Variants in ACO1 observed in about 807,000 individuals in gnomAD.
The protein encoded by ACO1 is cytoplasmic aconitate hydratase.
In ACO1, 78 loss-of-function variants were observed where a neutral mutation model predicts 105.1. The observed-to-expected ratio is 0.74, with a 90% CI of 0.62 to 0.90. ACO1 has a LOEUF of 0.90. Ranked by LOEUF, ACO1 falls within the 40% of genes least tolerant of loss-of-function variation. The pLI is 0.00. For missense variants in ACO1, 965 were observed against 1,111.1 expected (o/e 0.87, Z 1.87); for synonymous variants, 364 against 397.4 (o/e 0.92, Z 1.00).
chr9:32,441,439 T>TA (rs538094847), intron 19 of ACO1, among the ~76,000 whole-genome samples: 6 of 152,244 alleles, frequency 3.9e-5, no homozygotes, highest in Middle Eastern at 3.4e-3. Flanking sequence ...ACAAGTACAG[T>TA]AAAAAAATGT....
chr9:32,384,775 A>C (rs1249954679), intron 1 of ACO1, 40 bp downstream of exon 1: 4 of 359,164 alleles, frequency 1.1e-5, no homozygotes, highest in Non-Finnish European at 2.3e-5. Flanking sequence ...CCCAGGCGGG[A>C]GCGCCGTCCA....
Position 32,427,401 on chromosome 9 carries a change from A to G in ACO1, c.1449A>G (p.Gln483=). The G allele has an allele frequency of 6.8e-6, 11 of 1,614,216 alleles. No individual in the cohort carries two copies. The highest frequency in any genetic ancestry group is 9.3e-6 in the Non-Finnish European group (11 of 1,180,038). The part of the protein sequence containing the change: ...PGSGVVTYYL[Q]ESGVMPYLSQ... ...GTGGCGTGGTCACCTACTACCTACAAGAAAGCGGAGTCATGCCTTATCTGT... is the reference window on the plus strand; with the variant it reads ...GTGGCGTGGTCACCTACTACCTACAGGAAAGCGGAGTCATGCCTTATCTGT... Residue 483 remains glutamine, a synonymous_variant, in exon 12 of 21, where the codon CAA becomes CAG. Coordinates refer to ENST00000309951, the MANE Select transcript of ACO1 (RefSeq NM_002197.3).
chr9:32,434,495 G>A (rs1371278413), intron 16 of ACO1, 64 bp from the exon 17 acceptor site: 1 of 1,600,406 alleles, frequency 6.2e-7, no homozygotes, highest in Non-Finnish European at 8.5e-7. Context: ...CCATCGTAGA[G>A]ACTGATCTGG....
rs181767005 is a variant in ACO1, at chr9:32,452,479, C to G, written c.*2368C>G. On this transcript the variant is annotated 3_prime_UTR_variant, in exon 21 of 21. Coordinates refer to ENST00000309951, the MANE Select transcript of ACO1 (RefSeq NM_002197.3). ...AGTGGGTTCTCACCAGATACTGAAT[C>G]TGCCAGTGCCTTGAACCTAGACTTT... The G allele has an allele frequency of 6.6e-6, 1 of 152,432 alleles. No individual in the cohort carries two copies. The highest frequency in any genetic ancestry group is 1.9e-4 in the East Asian group (1 of 5,192). The allele number at this position is 152,432 out of a possible 1,614,324, so 9.4% of individuals were successfully genotyped here.
chr9:32,416,362 G>C (rs1821849861), intron 4 of ACO1, among the ~76,000 whole-genome samples: 1 of 152,072 alleles, frequency 6.6e-6, no homozygotes, highest in Admixed American at 6.5e-5. Flanking sequence ...CAAAGTGCTG[G>C]GATTACAGGT....
intron 4 of ACO1, among the ~76,000 whole-genome samples, chr9:32,412,610 A>G (rs1821763526): frequency 6.6e-6 from 1 of 152,204 alleles, no homozygotes; most frequent in Non-Finnish European, 1.5e-5. Context: ...GGTACTTGGA[A>G]CAGACCATGT....
At chr9:32,386,233 T>C (rs772276560) in intron 1 of ACO1, 6 of 152,250 alleles carry the variant, frequency 3.9e-5, no homozygotes, top group Non-Finnish European at 7.3e-5. Flanking sequence ...CAGGAAGTTA[T>C]TTCCAAAAGA....
At chr9:32,394,022 A>G (rs901589279) in intron 1 of ACO1, among the ~76,000 whole-genome samples, 2 of 152,158 alleles carry the variant, frequency 1.3e-5, no homozygotes, top group African/African-American at 4.8e-5. Context: ...CTTTGGTAAA[A>G]ATTCAAACTT....
intron 1 of ACO1, among the ~76,000 whole-genome samples, chr9:32,401,520 T>G (rs562079086): frequency 6.6e-6 from 1 of 152,216 alleles, no homozygotes; most frequent in East Asian, 1.9e-4. Flanking sequence ...AAACTCAACA[T>G]TCTATGTCTC....
intron 19 of ACO1, 92 bp from the exon 20 acceptor site, chr9:32,448,804 A>C: frequency 7.1e-7 from 1 of 1,405,906 alleles, no homozygotes; most frequent in Non-Finnish European, 1.0e-6. Context: ...CTATTCGGCC[A>C]TCATGCCAGC....
chr9:32,448,857 G>C (rs58115432), intron 19 of ACO1, 39 bp from the exon 20 acceptor site: 4 of 1,611,434 alleles, frequency 2.5e-6, no homozygotes, highest in Non-Finnish European at 3.4e-6. Flanking sequence ...CCAAAGAAAA[G>C]ATTGGAAGTA....
chr9:32,401,169 A>G (rs1168877955), intron 1 of ACO1, among the ~76,000 whole-genome samples: 3 of 151,768 alleles, frequency 2.0e-5, no homozygotes, highest in Non-Finnish European at 4.4e-5. Context: ...CAGAAACCTA[A>G]ATTTAAGTTG....
intron 4 of ACO1, among the ~76,000 whole-genome samples, chr9:32,413,914 C>T (rs1371115203): frequency 1.3e-5 from 2 of 152,030 alleles, no homozygotes; most frequent in African/African-American, 4.8e-5. Flanking sequence ...CTTTGGGAGG[C>T]TGAGGCAGGG....
chr9:32,425,976 C>G lies in ACO1; in HGVS notation c.1327C>G (p.Pro443Ala). Residue 443 changes from proline (P) to alanine (A), a missense_variant, in exon 11 of 21, where the codon CCG (proline) becomes GCG (alanine). Coordinates refer to ENST00000309951, the MANE Select transcript of ACO1 (RefSeq NM_002197.3). ...AITSCTNTSN[P>A]SVMLGAGLLA... ...TACTAGCTGCACAAACACCAGTAAT[C>G]CGTCTGTGATGTTAGGGGCAGGTAA... The G allele has an allele frequency of 6.2e-6, 10 of 1,613,924 alleles. No individual in the cohort carries two copies. Among genetic ancestry groups the G allele is most frequent in the Non-Finnish European group, 7.6e-6 (9 of 1,179,884 alleles).
chr9:32,403,097 A>C lies in ACO1; in HGVS notation c.-22-2388A>C, dbSNP rs569854415. Reference sequence around the variant, plus strand: ...CTTTAGGGGCTAGTGGGTGACCTCCAACAGCAGCATCGTCAGAACAGGGTG... The same window carrying C: ...CTTTAGGGGCTAGTGGGTGACCTCCCACAGCAGCATCGTCAGAACAGGGTG... On this transcript the variant is annotated intron_variant, in intron 1 of 20. Transcript: ENST00000309951. Among the ~76,000 whole-genome samples the C allele has an allele frequency of 2.6e-5, 4 of 152,328 alleles. No homozygotes were observed. The East Asian group carries it at 7.7e-4, about 29-fold the overall frequency.
At chr9:32,431,955 C>A in intron 15 of ACO1, 112 bp downstream of exon 15, 1 of 1,254,670 alleles carries the variant, frequency 8.0e-7, no homozygotes, top group Non-Finnish European at 1.1e-6. Flanking sequence ...TATAAAGTAA[C>A]ATTTATTTCT....
intron 11 of ACO1, among the ~76,000 whole-genome samples, chr9:32,426,924 C>T (rs997156982): frequency 1.3e-5 from 2 of 151,996 alleles, no homozygotes; most frequent in African/African-American, 4.8e-5. Context: ...GAAAGGGCTC[C>T]TTCAATGATG....
At position 32,441,602 on chromosome 9, in the gene ACO1, ACT is replaced by A. The variant is rs1491296580; in HGVS notation, c.2370+1016_2370+1017del. Among the ~76,000 whole-genome samples the A allele has an allele frequency of 4.8e-3, 665 of 139,914 alleles. 6 individuals carry two copies. Among genetic ancestry groups the A allele is most frequent in the East Asian group, 0.018 (82 of 4,526 alleles). 91.8% of individuals were successfully genotyped at this position (139,914 alleles called of 152,430 possible). On this transcript the variant is annotated intron_variant, in intron 19 of 20. Transcript: ENST00000309951. ...GGTCAAAGGCCTGTCTTTTCTGGAA[ACT>A]ATTGAAAAGAACCAGATAATTGCAG...
At chr9:32,434,444 C>T in intron 16 of ACO1, 115 bp from the exon 17 acceptor site, 6 of 1,192,728 alleles carry the variant, frequency 5.0e-6, no homozygotes, top group Admixed American at 2.2e-5. Flanking sequence ...ATTTTCTGTG[C>T]ATTGGTGTGG....
Sources: allele counts gnomAD v4.1 joint callset (sites outside exome capture counted in the v4.1 genomes callset), GRCh38; gene constraint gnomAD v4.1.1; transcripts MANE v1.5; gene names NCBI Gene and HGNC (gene_info 2026-07-23, HGNC 2026-07-21).